The following HYCC1 variants were observed in gnomAD, a reference collection of about 807,000 sequenced individuals.
The protein encoded by HYCC1 is hyccin PI4KA lipid kinase complex subunit 1.
the HYCC1 span, among the ~76,000 whole-genome samples, chr7:22,902,268 G>A: frequency 6.6e-6 from 1 of 151,820 alleles, no homozygotes; most frequent in Admixed American, 6.6e-5. Flanking sequence ...ATGGGATGTG[G>A]GTAAAGCAGT....
At chr7:22,906,181 T>C in the HYCC1 span, among the ~76,000 whole-genome samples, 1 of 152,140 alleles carries the variant, frequency 6.6e-6, no homozygotes, top group East Asian at 1.9e-4. Context: ...AATATTTCCA[T>C]CTCCACTGAC....
chr7:22,981,506 C>A, the HYCC1 span, among the ~76,000 whole-genome samples: 1 of 152,052 alleles, frequency 6.6e-6, no homozygotes, highest in African/African-American at 2.4e-5. Flanking sequence ...GAAGCACTTC[C>A]AAATATATCT....
chr7:23,014,074 C>A, the HYCC1 span: 3 of 470,592 alleles, frequency 6.4e-6, no homozygotes, highest in Non-Finnish European at 1.3e-5. Context: ...CATCTTCCCC[C>A]TCCTCTCACT....
chr7:22,993,250 T>C, the HYCC1 span, among the ~76,000 whole-genome samples: 577 of 152,292 alleles, frequency 3.8e-3, 9 homozygotes, highest in East Asian at 0.052. Flanking sequence ...ACAGTTTCAG[T>C]TGGACCACAG....
chr7:22,910,975 G>T, the HYCC1 span, among the ~76,000 whole-genome samples: 2 of 151,878 alleles, frequency 1.3e-5, no homozygotes, highest in Non-Finnish European at 2.9e-5. Context: ...AACAATTAGG[G>T]CTTATCTTTT....
the HYCC1 span, among the ~76,000 whole-genome samples, chr7:22,918,846 C>T: frequency 6.6e-6 from 1 of 152,128 alleles, no homozygotes; most frequent in African/African-American, 2.4e-5. Context: ...TCAGACTCAG[C>T]CCACCTGCAC....
At chr7:22,928,060 T>C in the HYCC1 span, among the ~76,000 whole-genome samples, 3 of 152,168 alleles carry the variant, frequency 2.0e-5, no homozygotes, top group Non-Finnish European at 2.9e-5. Context: ...TAATCCAGCA[T>C]ATAAACAGAA....
chr7:22,907,104 C>CAA, the HYCC1 span, among the ~76,000 whole-genome samples: 121 of 43,534 alleles, frequency 2.8e-3, 13 homozygotes, highest in African/African-American at 9.7e-3. Flanking sequence ...GACTCTATCT[C>CAA]AAAAAAAAAA....
the HYCC1 span, among the ~76,000 whole-genome samples, chr7:22,923,551 A>G: frequency 1.3e-5 from 2 of 152,186 alleles, no homozygotes; most frequent in African/African-American, 4.8e-5. Context: ...AGTAAGAATT[A>G]GAGCAGAAAT....
the HYCC1 span, among the ~76,000 whole-genome samples, chr7:22,962,488 G>A: frequency 6.7e-6 from 1 of 149,550 alleles, no homozygotes; most frequent in South Asian, 2.1e-4. Flanking sequence ...TTATCACACA[G>A]AACAAAAATT....
chr7:22,914,238 C>T, the HYCC1 span, among the ~76,000 whole-genome samples: 13 of 152,190 alleles, frequency 8.5e-5, no homozygotes, highest in Non-Finnish European at 1.8e-4. Context: ...CATTCACCCA[C>T]ATTCCCTTGG....
chr7:22,967,196 CTG>C, the HYCC1 span, among the ~76,000 whole-genome samples: 3 of 152,112 alleles, frequency 2.0e-5, no homozygotes, highest in Admixed American at 1.3e-4. Flanking sequence ...ATCATGGAGA[CTG>C]TGTAGTAAGC....
the HYCC1 span, chr7:22,945,843 T>A: frequency 2.5e-6 from 4 of 1,613,794 alleles, no homozygotes; most frequent in South Asian, 3.3e-5. Context: ...CCATGGCTAC[T>A]AGGCTTAGGT....
the HYCC1 span, among the ~76,000 whole-genome samples, chr7:22,916,557 C>A: frequency 6.6e-6 from 1 of 152,186 alleles, no homozygotes; most frequent in South Asian, 2.1e-4. Context: ...GTCCAAACAA[C>A]TTAACCTTAC....
At chr7:22,960,970 G>A in the HYCC1 span, among the ~76,000 whole-genome samples, 1 of 152,202 alleles carries the variant, frequency 6.6e-6, no homozygotes, top group African/African-American at 2.4e-5. Flanking sequence ...AAAATCGCTT[G>A]AACCCAGGAG....
the HYCC1 span, among the ~76,000 whole-genome samples, chr7:22,982,760 C>G: frequency 1.3e-5 from 2 of 152,098 alleles, no homozygotes; most frequent in African/African-American, 4.8e-5. Context: ...ACATAGCCAC[C>G]TTCCTAACCC....
the HYCC1 span, among the ~76,000 whole-genome samples, chr7:22,911,791 C>T: frequency 2.6e-4 from 40 of 152,184 alleles, no homozygotes; most frequent in East Asian, 2.9e-3. Flanking sequence ...TAAAAAGGTT[C>T]GACTTCTCTG....
chr7:23,003,542 A>T, the HYCC1 span, among the ~76,000 whole-genome samples: 1 of 152,228 alleles, frequency 6.6e-6, no homozygotes, highest in African/African-American at 2.4e-5. Context: ...CCTCTCTCCC[A>T]AACATAACAG....
chr7:22,953,874 T>A, the HYCC1 span, among the ~76,000 whole-genome samples: 53,198 of 151,222 alleles, frequency 0.35, 9,354 homozygotes, highest in East Asian at 0.47. Flanking sequence ...CTAAAAGTAT[T>A]TACATTTTTT....
Sources: gnomAD v4.1 joint callset for allele counts (sites outside exome capture counted in the v4.1 genomes callset) on GRCh38, gnomAD v4.1.1 for gene constraint, MANE v1.5 for transcripts, NCBI Gene and HGNC (gene_info 2026-07-23, HGNC 2026-07-21) for gene names.